Variants in GALNTL6 observed in about 807,000 individuals in gnomAD.
GALNTL6 encodes polypeptide N-acetylgalactosaminyltransferase-like 6.
In GALNTL6, 46 loss-of-function variants were observed where a neutral mutation model predicts 73.7. The ratio of observed to expected loss-of-function variants is 0.62; its 90% CI spans 0.49 to 0.80. The LOEUF (loss-of-function observed/expected upper bound fraction) is 0.80, where lower values mean the gene tolerates loss of function less well. Among genes scored for constraint, GALNTL6 ranks in the 30% least tolerant of loss-of-function variants. The pLI is 0.00. For synonymous variants in GALNTL6, 259 were observed against 263.7 expected, an observed-to-expected ratio of 0.98 and a Z score of 0.17; for missense variants, 604 against 755.0, an observed-to-expected ratio of 0.80 and a Z score of 2.34.
At chr4:172,887,180 C>T (rs930939623) in intron 8 of GALNTL6, among the ~76,000 whole-genome samples, 2 of 152,312 alleles carry the variant, frequency 1.3e-5, no homozygotes, top group African/African-American at 4.8e-5. Context: ...CTTTTTATGG[C>T]AGTGAAGTAT....
chr4:172,663,426 C>A (rs1453393971), intron 5 of GALNTL6, among the ~76,000 whole-genome samples: 1 of 152,128 alleles, frequency 6.6e-6, no homozygotes, highest in Non-Finnish European at 1.5e-5. Context: ...TTCTGTTCAC[C>A]AGATACTTGA....
chr4:172,282,362 A>T (rs1739090625), intron 3 of GALNTL6, among the ~76,000 whole-genome samples: 2 of 152,186 alleles, frequency 1.3e-5, no homozygotes, highest in Non-Finnish European at 2.9e-5. Flanking sequence ...ACTAAAATAG[A>T]CTGAAAATTT....
chr4:172,904,794 C>T (rs1449973780), intron 8 of GALNTL6, among the ~76,000 whole-genome samples: 2 of 152,062 alleles, frequency 1.3e-5, no homozygotes, highest in Non-Finnish European at 2.9e-5. Flanking sequence ...TTCTTTGAAT[C>T]TTTGTTTCTA....
At chr4:172,178,154 T>C (rs1204789688) in intron 2 of GALNTL6, among the ~76,000 whole-genome samples, 2 of 152,074 alleles carry the variant, frequency 1.3e-5, no homozygotes, top group African/African-American at 4.8e-5. Context: ...GGTTTTCTCA[T>C]CTGCTAATGA....
intron 4 of GALNTL6, among the ~76,000 whole-genome samples, chr4:172,342,245 A>G (rs1011405011): frequency 5.9e-5 from 9 of 151,980 alleles, no homozygotes; most frequent in Admixed American, 4.6e-4. Flanking sequence ...TTAAAATATT[A>G]TAGTATTTAT....
chr4:172,236,342 G>A (rs975441509), intron 3 of GALNTL6, among the ~76,000 whole-genome samples: 2 of 152,050 alleles, frequency 1.3e-5, no homozygotes, highest in Non-Finnish European at 2.9e-5. Flanking sequence ...GGCGGATCAC[G>A]AGGTGAGGAG....
intron 5 of GALNTL6, among the ~76,000 whole-genome samples, chr4:172,626,484 G>A (rs1370061559): frequency 3.9e-5 from 6 of 152,074 alleles, no homozygotes; most frequent in Middle Eastern, 3.4e-3. Flanking sequence ...GATTGCTTTG[G>A]CTCTTCAGGT....
chr4:172,861,319 ATGTGTG>A (rs10664817), intron 7 of GALNTL6, among the ~76,000 whole-genome samples: 3 of 146,276 alleles, frequency 2.1e-5, no homozygotes, highest in Non-Finnish European at 3.0e-5. Flanking sequence ...TTTTGCTTAC[ATGTGTG>A]TGTGTGTGTG....
At chr4:172,488,506 C>T (rs533706018) in intron 5 of GALNTL6, among the ~76,000 whole-genome samples, 16 of 152,156 alleles carry the variant, frequency 1.1e-4, no homozygotes, top group Non-Finnish European at 2.1e-4. Context: ...CCCATGACCT[C>T]GCTTCATACT....
chr4:172,508,491 T>C lies in GALNTL6; in HGVS notation c.553+159802T>C, dbSNP rs1444300993. ...GGATAACTTCTTTAGTGGTGATTTC[T>C]GAGATTTTGGTGCACCCATCAACTG... On this transcript the variant is annotated intron_variant, in intron 5 of 12. Transcript: ENST00000506823. Among the ~76,000 whole-genome samples, 2 of 54,004 alleles carry C rather than the reference T, an allele frequency of 3.7e-5. 1 individual carries two copies. The highest frequency in any genetic ancestry group is 8.5e-5 in the Non-Finnish European group (2 of 23,514). 35.4% of individuals were successfully genotyped at this position (54,004 alleles called of 152,430 possible).
intron 2 of GALNTL6, among the ~76,000 whole-genome samples, chr4:171,992,821 CAG>C (rs1479390806): frequency 6.6e-6 from 1 of 152,024 alleles, no homozygotes; most frequent in African/African-American, 2.4e-5. Flanking sequence ...CCTTTCCTAA[CAG>C]AGCATGTTGA....
intron 2 of GALNTL6, among the ~76,000 whole-genome samples, chr4:171,973,963 C>A (rs4146320): frequency 3.9e-5 from 6 of 152,116 alleles, no homozygotes; most frequent in African/African-American, 9.7e-5. Flanking sequence ...TTCTTATAAT[C>A]AGACATTTTG....
At chr4:172,538,246 G>A (rs759604424) in intron 5 of GALNTL6, among the ~76,000 whole-genome samples, 6 of 152,022 alleles carry the variant, frequency 3.9e-5, no homozygotes, top group Non-Finnish European at 8.8e-5. Flanking sequence ...AGATCATGAG[G>A]TCAGGAGATC....
chr4:172,743,458 T>C (rs1736914416), intron 5 of GALNTL6, among the ~76,000 whole-genome samples: 1 of 152,074 alleles, frequency 6.6e-6, no homozygotes, highest in Admixed American at 6.6e-5. Flanking sequence ...TTAACTGTTT[T>C]TCACTGTGAA....
intron 5 of GALNTL6, among the ~76,000 whole-genome samples, chr4:172,761,940 C>CA (rs1447781691): frequency 6.6e-6 from 1 of 152,188 alleles, no homozygotes; most frequent in African/African-American, 2.4e-5. Flanking sequence ...TTGGGATCTT[C>CA]AACCTGATCA....
intron 5 of GALNTL6, among the ~76,000 whole-genome samples, chr4:172,480,801 G>A (rs1481272653): frequency 6.6e-6 from 1 of 152,126 alleles, no homozygotes; most frequent in Non-Finnish European, 1.5e-5. Flanking sequence ...TGGGAGACTG[G>A]CTAGCTGTAG....
At chr4:172,404,415 T>C (rs1456316747) in intron 5 of GALNTL6, among the ~76,000 whole-genome samples, 1 of 152,090 alleles carries the variant, frequency 6.6e-6, no homozygotes, top group Non-Finnish European at 1.5e-5. Flanking sequence ...TATACTCTGC[T>C]TTAACCTAAT....
intron 2 of GALNTL6, among the ~76,000 whole-genome samples, chr4:171,821,441 G>A (rs1734680915): frequency 6.6e-6 from 1 of 151,962 alleles, no homozygotes; most frequent in African/African-American, 2.4e-5. Flanking sequence ...TTCTCTTTTA[G>A]GTCAGAGTGT....
chr4:172,286,710 A>G (rs909507380), intron 3 of GALNTL6, among the ~76,000 whole-genome samples: 4 of 152,114 alleles, frequency 2.6e-5, no homozygotes, highest in African/African-American at 9.7e-5. Flanking sequence ...TGGTTGGGGG[A>G]GGACGGTGCA....
Sources: gnomAD v4.1 joint callset for allele counts (sites outside exome capture counted in the v4.1 genomes callset) on GRCh38, gnomAD v4.1.1 for gene constraint, MANE v1.5 for transcripts, NCBI Gene and HGNC (gene_info 2026-07-23, HGNC 2026-07-21) for gene names.